The following ELMOD1 variants were observed in gnomAD, a reference collection of about 807,000 sequenced individuals.
ELMOD1 encodes the protein ELMO domain containing 1.
A neutral mutation model predicts 46.7 loss-of-function variants in ELMOD1; 21 were observed. The observed-to-expected ratio is 0.45, with a 90% confidence interval of 0.32 to 0.65. The LOEUF (loss-of-function observed/expected upper bound fraction) is 0.65. ELMOD1 is among the 30% of genes least tolerant of loss of function. The probability of loss-of-function intolerance (pLI) is 0.04; values close to 1 mark genes in which losing one functional copy is unlikely to be tolerated. For synonymous variants in ELMOD1, 122 were observed against 138.2 expected, an observed-to-expected ratio of 0.88 and a Z score of 0.82; for missense variants, 348 against 407.8, an observed-to-expected ratio of 0.85 and a Z score of 1.26.
At chr11:107,660,793 C>T (rs1196384888) in intron 11 of ELMOD1, among the ~76,000 whole-genome samples, 2 of 152,160 alleles carry the variant, frequency 1.3e-5, no homozygotes, top group African/African-American at 2.4e-5. Flanking sequence ...CTGTTTTCTC[C>T]CTCTCCTTTC....
At chr11:107,630,295 A>T in intron 2 of ELMOD1, 122 bp from the exon 3 acceptor site, 2 of 788,902 alleles carry the variant, frequency 2.5e-6, no homozygotes, top group Non-Finnish European at 3.9e-6. Context: ...AACATATGTT[A>T]AGTATAAGGT....
At chr11:107,646,985 T>C (rs182103070) in intron 6 of ELMOD1, among the ~76,000 whole-genome samples, 3 of 147,140 alleles carry the variant, frequency 2.0e-5, no homozygotes, top group East Asian at 2.0e-4. Context: ...TATCTATCTA[T>C]CTACCTATCT....
At chr11:107,628,820 G>T (rs1207152472) in intron 2 of ELMOD1, among the ~76,000 whole-genome samples, 2 of 151,638 alleles carry the variant, frequency 1.3e-5, no homozygotes, top group East Asian at 3.8e-4. Flanking sequence ...AATCAAAAAA[G>T]AAAATTAAAA....
chr11:107,605,459 CA>C, intron 1 of ELMOD1, among the ~76,000 whole-genome samples: 1 of 152,280 alleles, frequency 6.6e-6, no homozygotes, highest in East Asian at 1.9e-4. Flanking sequence ...CCTCAGCCTT[CA>C]AAAGTGCTGG....
chr11:107,641,283 C>A (rs1472181896), intron 6 of ELMOD1, among the ~76,000 whole-genome samples: 1 of 150,890 alleles, frequency 6.6e-6, no homozygotes, highest in Non-Finnish European at 1.5e-5. Flanking sequence ...CAGAGAAAGA[C>A]TCTGTCTCAA....
chr11:107,664,881 T>C (rs1866814401), intron 11 of ELMOD1, 144 bp from the exon 12 acceptor site: 1 of 713,966 alleles, frequency 1.4e-6, no homozygotes, highest in Non-Finnish European at 2.3e-6. Context: ...TAAACAGTGG[T>C]ATTTTCTAGA....
intron 11 of ELMOD1, among the ~76,000 whole-genome samples, chr11:107,657,200 G>A (rs938448323): frequency 3.3e-5 from 5 of 152,098 alleles, no homozygotes; most frequent in African/African-American, 1.2e-4. Context: ...AGATGACATT[G>A]GACTTCTCAA....
rs568194220 is a variant in ELMOD1, at chr11:107,591,730, C to A, written c.-86+321C>A. ...GCCTAGCGACCTAACGCCGAGGGCT[C>A]GGGGAAGGGATCCCAGACAGAGCCA... On this transcript the variant is annotated intron_variant, in intron 1 of 11. Transcript: ENST00000265840. The A allele has an allele frequency of 1.3e-5, 5 of 389,248 alleles. No individual in the cohort carries two copies. The East Asian group carries it at 2.3e-4, about 18-fold the overall frequency. The allele number at this position is 389,248 out of a possible 1,614,324, so 24.1% of individuals were successfully genotyped here.
Position 107,628,929 on chromosome 11 carries a change from A to G in ELMOD1, c.18-1488A>G, listed in dbSNP as rs1050807810. The stretch of plus-strand genomic sequence containing the variant: ...TTAAAATTTTTGTTTTATTTTTTAA[A>G]TGAAAAGTGGATTATCCCATACATA... On this transcript the variant is annotated intron_variant, in intron 2 of 11. Transcript: ENST00000265840. 4.6e-5 allele frequency among the ~76,000 whole-genome samples: 7 copies of G among 152,122 alleles called. No homozygotes were observed. The East Asian group carries it at 1.2e-3, about 25-fold the overall frequency.
intron 6 of ELMOD1, among the ~76,000 whole-genome samples, chr11:107,646,603 T>C (rs1466144132): frequency 2.6e-5 from 4 of 151,908 alleles, no homozygotes; most frequent in Non-Finnish European, 5.9e-5. Flanking sequence ...GGTGTGGTGG[T>C]GCATGCCTGT....
At chr11:107,608,634 A>T (rs1465811818) in intron 1 of ELMOD1, among the ~76,000 whole-genome samples, 1 of 152,344 alleles carries the variant, frequency 6.6e-6, no homozygotes, top group African/African-American at 2.4e-5. Flanking sequence ...ATGAAGCCTC[A>T]GTAAAGAATA....
At chr11:107,655,342 A>G (rs113637921) in intron 10 of ELMOD1, among the ~76,000 whole-genome samples, 2,790 of 152,294 alleles carry the variant, frequency 0.018, 32 homozygotes, top group Non-Finnish European at 0.028. Flanking sequence ...TAAAAATGCT[A>G]TAATGAATTA....
intron 1 of ELMOD1, chr11:107,592,250 T>C (rs377362927): frequency 1.1e-5 from 3 of 264,966 alleles, no homozygotes; most frequent in Admixed American, 4.9e-5. Flanking sequence ...TTAATGAATA[T>C]GTTGTCAGCC....
chr11:107,656,051 T>C lies in ELMOD1; in HGVS notation c.817T>C (p.Phe273Leu), dbSNP rs1235671545. The part of the protein sequence containing the change: ...IAPEAPTLSH[F>L]QQTFCYLMHE... ...CCCAGAAGCTCCAACATTGTCTCAC[T>C]TTCAGCAAACATTCTGTAAGTATCC... The change falls in exon 11 of 12, where the codon TTT (phenylalanine) becomes CTT (leucine). Residue 273 changes from phenylalanine to leucine, a missense_variant. By Grantham distance (22) the Phe-to-Leu change is conservative (BLOSUM62 0). Transcript: ENST00000265840. 2 of 1,554,790 alleles carry C rather than the reference T, an allele frequency of 1.3e-6. No homozygotes were observed. The highest frequency in any genetic ancestry group is 1.4e-5 in the African/African-American group (1 of 73,316).
At chr11:107,647,051 A>G (rs1311414312) in intron 6 of ELMOD1, among the ~76,000 whole-genome samples, 3 of 152,156 alleles carry the variant, frequency 2.0e-5, no homozygotes, top group Non-Finnish European at 2.9e-5. Context: ...ATTAAAATAT[A>G]TAAGTACTCA....
chr11:107,591,999 C>A (rs1270239757), intron 1 of ELMOD1: 2 of 513,132 alleles, frequency 3.9e-6, no homozygotes, highest in Non-Finnish European at 8.1e-6. Flanking sequence ...CTTTCCCGGG[C>A]AGGTAGAATT....
At position 107,626,389 on chromosome 11, in the gene ELMOD1, A is replaced by G. The variant is rs185530008; in HGVS notation, c.18-4028A>G. Among the ~76,000 whole-genome samples, 631 of 151,726 alleles carry G rather than the reference A, an allele frequency of 4.2e-3. 10 individuals are homozygous for G. The highest frequency in any genetic ancestry group is 0.014 in the African/African-American group (596 of 41,408). On this transcript the variant is annotated intron_variant, in intron 2 of 11. Transcript: ENST00000265840. ...GCATGCAGTCATGAAAAAAAAAAAA[A>G]AAAAGGACATAAAACAAATGAAATT...
intron 1 of ELMOD1, among the ~76,000 whole-genome samples, chr11:107,615,556 A>G (rs1435361300): frequency 6.6e-6 from 1 of 152,062 alleles, no homozygotes; most frequent in African/African-American, 2.4e-5. Flanking sequence ...TTACGTTAAT[A>G]TTATACATTT....
Position 107,643,557 on chromosome 11 carries a change from C to T in ELMOD1, c.421-3911C>T. The stretch of plus-strand genomic sequence containing the variant: ...TAGAACACTCTTGGAGTTTTATGAG[C>T]CACACAAAGAAAACTCCATTGTTCA... On this transcript the variant is annotated intron_variant, in intron 6 of 11. Transcript: ENST00000265840. The T allele has an allele frequency of 3.9e-6, 2 of 514,084 alleles. 1 individual carries two copies. The highest frequency in any genetic ancestry group is 4.0e-5 in the Admixed American group (2 of 49,980). 31.8% of individuals were successfully genotyped at this position (514,084 alleles called of 1,614,324 possible). A position where few individuals can be genotyped will look rare whatever the true frequency, so the allele number is the denominator to read the frequency against.
Sources: allele counts gnomAD v4.1 joint callset (sites outside exome capture counted in the v4.1 genomes callset), GRCh38; gene constraint gnomAD v4.1.1; transcripts MANE v1.5; gene names NCBI Gene and HGNC (gene_info 2026-07-23, HGNC 2026-07-21).